Variants in ZNF732 observed in about 807,000 individuals in gnomAD.
ZNF732 encodes the protein zinc finger protein 732.
A neutral mutation model predicts 11.5 loss-of-function variants in ZNF732; 12 were observed. The observed-to-expected ratio is 1.05, with a 90% CI of 0.67 to 1.70. The LOEUF is 1.70. Ranked by LOEUF, ZNF732 falls within the 40% of genes most tolerant of loss-of-function variation. The probability of loss-of-function intolerance (pLI) is 0.00; values close to 1 mark genes in which losing one functional copy is unlikely to be tolerated. For missense variants in ZNF732, 702 were observed against 676.9 expected (o/e 1.04, Z -0.41); for synonymous variants, 231 against 236.5 (o/e 0.98, Z 0.21).
intron 3 of ZNF732, among the ~76,000 whole-genome samples, chr4:287,145 C>T (rs539359630): frequency 2.6e-5 from 4 of 152,106 alleles, no homozygotes; most frequent in South Asian, 2.1e-4. Context: ...AGCAAGACTC[C>T]GTCGCAAAAC....
chr4:281,042 G>C (rs1415974630), intron 3 of ZNF732, among the ~76,000 whole-genome samples: 1 of 152,112 alleles, frequency 6.6e-6, no homozygotes, highest in Non-Finnish European at 1.5e-5. Flanking sequence ...GGCACTATAA[G>C]CTGGCTCCAA....
At chr4:273,804 C>A (rs1216901343) in intron 3 of ZNF732, among the ~76,000 whole-genome samples, 1 of 151,164 alleles carries the variant, frequency 6.6e-6, no homozygotes, top group Non-Finnish European at 1.5e-5. Context: ...TAAAAGATTA[C>A]CAGTGAATCT....
At chr4:279,359 T>C (rs1719568897) in intron 3 of ZNF732, among the ~76,000 whole-genome samples, 2 of 150,754 alleles carry the variant, frequency 1.3e-5, no homozygotes, top group South Asian at 4.2e-4. Flanking sequence ...GGCAGGAGAA[T>C]GGCGTGAACC....
intron 1 of ZNF732, among the ~76,000 whole-genome samples, chr4:299,484 C>CACATATGTGT (rs1720057082): frequency 9.7e-6 from 1 of 102,986 alleles, no homozygotes; most frequent in African/African-American, 3.7e-5. Flanking sequence ...CACATATATA[C>CACATATGTGT]ACATATGTGT....
At chr4:293,298 A>ATATATG (rs1553841676) in intron 3 of ZNF732, among the ~76,000 whole-genome samples, 6 of 143,158 alleles carry the variant, frequency 4.2e-5, no homozygotes, top group African/African-American at 1.1e-4. Context: ...ATATATATAT[A>ATATATG]TGTGTGTGTG....
At chr4:293,083 A>AG (rs1404420933) in intron 3 of ZNF732, among the ~76,000 whole-genome samples, 3 of 147,202 alleles carry the variant, frequency 2.0e-5, no homozygotes, top group Non-Finnish European at 4.5e-5. Flanking sequence ...AAAAAAAAAA[A>AG]AAAAAAAACC....
chr4:290,304 A>G (rs2108657619), intron 3 of ZNF732, among the ~76,000 whole-genome samples: 1 of 152,352 alleles, frequency 6.6e-6, no homozygotes, highest in South Asian at 2.1e-4. Context: ...AATTATGCAC[A>G]GAGTTTGGTC....
chr4:287,769 G>A (rs1173707805), intron 3 of ZNF732, among the ~76,000 whole-genome samples: 1 of 151,984 alleles, frequency 6.6e-6, no homozygotes, highest in Non-Finnish European at 1.5e-5. Context: ...TCAGCCTCCT[G>A]CCTTCAGATA....
At chr4:292,597 T>C (rs1468893356) in intron 3 of ZNF732, among the ~76,000 whole-genome samples, 1 of 150,556 alleles carries the variant, frequency 6.6e-6, no homozygotes, top group African/African-American at 2.4e-5. Flanking sequence ...ATCCGAAATG[T>C]ATAAGAAACT....
rs187291699 is a variant in ZNF732, at chr4:305,425, G to C, written c.-115C>G. ...AATCACCGACGCCTCCCTGAGGGGT[G>C]AAAGCACGGCCGTGGAGACCCTAAC... is the stretch of plus-strand genomic sequence containing the variant. On this transcript the variant is annotated 5_prime_UTR_variant, in exon 1 of 4. Coordinates refer to ENST00000419098, the MANE Select transcript of ZNF732 (RefSeq NM_001137608.3). 2.7e-3 allele frequency: 4,000 copies of C among 1,471,336 alleles called. 32 individuals are homozygous for C. Among genetic ancestry groups the C allele is most frequent in the South Asian group, 0.015 (1,281 of 86,146 alleles). 91.1% of individuals were successfully genotyped at this position (1,471,336 alleles called of 1,614,324 possible). A position where few individuals can be genotyped will look rare whatever the true frequency, so the allele number is the denominator to read the frequency against.
chr4:301,065 T>C (rs987170969), intron 1 of ZNF732, among the ~76,000 whole-genome samples: 7 of 152,114 alleles, frequency 4.6e-5, no homozygotes, highest in East Asian at 1.9e-4. Context: ...AGGATATGAA[T>C]AGACACTTCT....
chr4:285,205 G>GA (rs1719705724), intron 3 of ZNF732, among the ~76,000 whole-genome samples: 1 of 152,070 alleles, frequency 6.6e-6, no homozygotes, highest in Non-Finnish European at 1.5e-5. Flanking sequence ...TGCAGAATAA[G>GA]AAAAGATGTT....
At chr4:281,614 C>T (rs1436437398) in intron 3 of ZNF732, among the ~76,000 whole-genome samples, 2 of 152,156 alleles carry the variant, frequency 1.3e-5, no homozygotes, top group Non-Finnish European at 2.9e-5. Context: ...TCACTGCAAA[C>T]CCAGTAGTAG....
intron 3 of ZNF732, among the ~76,000 whole-genome samples, chr4:291,521 C>T (rs1202065814): frequency 6.6e-6 from 1 of 151,986 alleles, no homozygotes; most frequent in Admixed American, 6.5e-5. Context: ...ACACTAAATA[C>T]AAGATACAAA....
chr4:271,953 C>A lies in ZNF732; in HGVS notation c.904G>T (p.Gly302Ter). ...TCCTGACATTTGTAGAGTTTCTCTCCGGTATGAATTTTCTTATGTTTGGCA... is the reference window on the plus strand; with the variant it reads ...TCCTGACATTTGTAGAGTTTCTCTCAGGTATGAATTTTCTTATGTTTGGCA... Reference protein sequence around the residue: ...NVAKHKKIHTGEKLYKCQECG... With the variant: ...NVAKHKKIHT Residue 302 changes from glycine to a stop codon, truncating the protein, a stop_gained, in exon 4 of 4, where the codon GGA becomes TGA. Transcript: ENST00000419098. LOFTEE classifies it low-confidence loss of function (END_TRUNC). 6.2e-7 allele frequency: 1 copy of A among 1,606,894 alleles called. No homozygotes were observed. Among genetic ancestry groups the A allele is most frequent in the Admixed American group, 1.7e-5 (1 of 58,712 alleles).
intron 3 of ZNF732, among the ~76,000 whole-genome samples, chr4:287,462 G>A (rs532382322): frequency 2.0e-5 from 3 of 151,912 alleles, no homozygotes; most frequent in South Asian, 2.1e-4. Flanking sequence ...TGATCCACCC[G>A]CCTCGGCCTC....
At chr4:305,144 C>A (rs1472727978) in intron 1 of ZNF732, among the ~76,000 whole-genome samples, 164 bp downstream of exon 1, 2 of 152,142 alleles carry the variant, frequency 1.3e-5, no homozygotes, top group African/African-American at 4.8e-5. Flanking sequence ...AGCCGCCTTG[C>A]GGGGACCGAC....
intron 3 of ZNF732, among the ~76,000 whole-genome samples, chr4:290,307 G>C (rs1719817592): frequency 6.6e-6 from 1 of 152,220 alleles, no homozygotes; most frequent in African/African-American, 2.4e-5. Flanking sequence ...TATGCACAGA[G>C]TTTGGTCTTA....
Position 271,501 on chromosome 4 carries a change from G to A in ZNF732, c.1356C>T (p.Gly452=), listed in dbSNP as rs782177730. 2 of 1,611,070 alleles carry A rather than the reference G, an allele frequency of 1.2e-6. No individual in the cohort carries two copies. Among genetic ancestry groups the A allele is most frequent in the Non-Finnish European group, 1.7e-6 (2 of 1,178,580 alleles). ...GEKPYKCEEC[G]KAFGWSAYLS... is the part of the protein sequence containing the mutation. ...GGTATGCAGACCATCCAAAGGCTTT[G>A]CCACACTCTTCACATTTGTAAGGTT... The change falls in exon 4 of 4, where the codon GGC becomes GGT. Residue 452 remains glycine (G), a synonymous_variant. Transcript: ENST00000419098.
Sources: gnomAD v4.1 joint callset for allele counts (sites outside exome capture counted in the v4.1 genomes callset) on GRCh38, gnomAD v4.1.1 for gene constraint, MANE v1.5 for transcripts, NCBI Gene and HGNC (gene_info 2026-07-23, HGNC 2026-07-21) for gene names.